Variants in UIMC1 observed in about 807,000 individuals in gnomAD.
UIMC1 encodes the protein BRCA1-A complex subunit RAP80.
UIMC1 carries 42 observed loss-of-function variants against 84.9 expected under a neutral mutation model. That is an observed-to-expected ratio of 0.49 (90% CI 0.39 to 0.64). The LOEUF is 0.64. Ranked by LOEUF, UIMC1 falls within the 30% of genes least tolerant of loss-of-function variation. UIMC1 has a pLI of 0.00. For synonymous variants in UIMC1, 281 were observed against 293.0 expected (o/e 0.96, Z 0.42); for missense variants, 825 against 847.6 (o/e 0.97, Z 0.33).
In UIMC1 at chr5:176,943,472, TCTTC is replaced by T; in HGVS notation, c.1456_1459del (p.Glu486MetfsTer6). 6.2e-7 allele frequency: 1 copy of T among 1,614,050 alleles called. No homozygotes were observed. The highest frequency in any genetic ancestry group is 8.5e-7 in the Non-Finnish European group (1 of 1,179,946). On this transcript the variant is annotated frameshift_variant, in exon 10 of 15. Coordinates refer to ENST00000511320, the MANE Select transcript of UIMC1 (RefSeq NM_001199298.2). LOFTEE classifies it high-confidence loss of function. Reference sequence around the variant, plus strand: ...AGAAATAGCTACTTCCTTCTCAGCATCTTCCTTGTTACCAACCTGAAGAACATGA... The same window carrying T: ...AGAAATAGCTACTTCCTTCTCAGCATCTTGTTACCAACCTGAAGAACATGA...
intron 10 of UIMC1, among the ~76,000 whole-genome samples, chr5:176,925,675 A>T (rs896544384): frequency 3.9e-5 from 6 of 152,214 alleles, no homozygotes. Flanking sequence ...ATTACATAAA[A>T]GTATACTGGT....
At chr5:176,990,864 G>C (rs1298908311) in intron 1 of UIMC1, among the ~76,000 whole-genome samples, 1 of 151,834 alleles carries the variant, frequency 6.6e-6, no homozygotes, top group Admixed American at 6.6e-5. Context: ...AGAGATGGGG[G>C]TCTTGCTGTG....
chr5:176,967,878 G>C (rs1370575679), intron 6 of UIMC1, among the ~76,000 whole-genome samples: 4 of 150,284 alleles, frequency 2.7e-5, no homozygotes, highest in African/African-American at 9.8e-5. Flanking sequence ...ACTCTAGCCT[G>C]GGTGACAGAG....
chr5:176,915,601 G>A (rs181201466), intron 10 of UIMC1, among the ~76,000 whole-genome samples: 10 of 151,380 alleles, frequency 6.6e-5, no homozygotes, highest in South Asian at 4.2e-4. Context: ...GATTACAGGC[G>A]CCTGCCACCA....
chr5:176,908,601 T>C lies in UIMC1; in HGVS notation c.1770A>G (p.Gln590=). The C allele has an allele frequency of 1.2e-6, 2 of 1,614,160 alleles. No homozygotes were observed. The highest frequency in any genetic ancestry group is 1.7e-6 in the Non-Finnish European group (2 of 1,180,000). The change falls in exon 12 of 15, where the codon CAA becomes CAG. Residue 590 remains glutamine (Q), a synonymous_variant. Transcript: ENST00000511320. ...TTCCACTCCCTTCAGGTCCATCTCC[T>C]TGGTCAGCCTTTGCAAGCTGGAGAC... ...DSCLQLAKAD[Q]GDGPEGSGRA...
At chr5:176,984,071 G>A (rs1380611273) in intron 1 of UIMC1, among the ~76,000 whole-genome samples, 1 of 135,980 alleles carries the variant, frequency 7.4e-6, no homozygotes, top group African/African-American at 2.8e-5. Flanking sequence ...CCTCTGCCCG[G>A]CCGCCCCGTC....
chr5:176,983,733 C>G (rs1264446487), intron 1 of UIMC1, among the ~76,000 whole-genome samples: 1 of 152,018 alleles, frequency 6.6e-6, no homozygotes, highest in Middle Eastern at 3.4e-3. Context: ...CCGGCCACCC[C>G]GTCTGGGAAG....
chr5:176,995,927 G>T (rs2149529427), intron 1 of UIMC1, among the ~76,000 whole-genome samples: 1 of 150,566 alleles, frequency 6.6e-6, no homozygotes, highest in East Asian at 2.0e-4. Flanking sequence ...AAATAAGCAT[G>T]TATCTACTAC....
intron 1 of UIMC1, among the ~76,000 whole-genome samples, chr5:177,015,214 G>A (rs1282190098): frequency 1.3e-5 from 2 of 152,210 alleles, no homozygotes; most frequent in Non-Finnish European, 2.9e-5. Flanking sequence ...CATTTGAGGT[G>A]GGTATCATCT....
chr5:176,942,029 G>C (rs927467706), intron 10 of UIMC1, among the ~76,000 whole-genome samples: 1 of 152,068 alleles, frequency 6.6e-6, no homozygotes, highest in Non-Finnish European at 1.5e-5. Flanking sequence ...ATTTTTAGTA[G>C]AGACAGGGTT....
At chr5:176,923,459 A>G (rs1048456021) in intron 10 of UIMC1, among the ~76,000 whole-genome samples, 2 of 152,146 alleles carry the variant, frequency 1.3e-5, no homozygotes, top group African/African-American at 4.8e-5. Context: ...CTGAGGTACA[A>G]GAATCCCTTG....
chr5:177,014,047 TTTTTC>T (rs1270426618), intron 1 of UIMC1, among the ~76,000 whole-genome samples: 2 of 148,516 alleles, frequency 1.3e-5, no homozygotes, highest in Admixed American at 6.7e-5. Context: ...TGAGCCACTT[TTTTTC>T]TTTTCTTTTT....
At chr5:177,005,805 G>C (rs1164192520) in intron 1 of UIMC1, among the ~76,000 whole-genome samples, 1 of 152,080 alleles carries the variant, frequency 6.6e-6, no homozygotes, top group Non-Finnish European at 1.5e-5. Context: ...TTAAATGAAA[G>C]AACACTGGAG....
chr5:176,950,609 C>T (rs1765749078), intron 9 of UIMC1, among the ~76,000 whole-genome samples: 1 of 151,914 alleles, frequency 6.6e-6, no homozygotes, highest in East Asian at 2.0e-4. Context: ...GTGGCTCACG[C>T]CTGTAATCCC....
chr5:176,967,474 A>C (rs1479634417), intron 6 of UIMC1, among the ~76,000 whole-genome samples: 1 of 152,202 alleles, frequency 6.6e-6, no homozygotes, highest in African/African-American at 2.4e-5. Flanking sequence ...CTAGTAACAC[A>C]AATTTGAGTC....
chr5:176,953,495 T>TACACATACACACACACACACACACACAC (rs1766168897), intron 8 of UIMC1, among the ~76,000 whole-genome samples: 1 of 136,886 alleles, frequency 7.3e-6, no homozygotes. Flanking sequence ...ACTGGACACA[T>TACACATACACACACACACACACACACAC]ACACACACAC....
chr5:177,016,582 T>G (rs551561089), intron 1 of UIMC1, among the ~76,000 whole-genome samples: 2 of 151,392 alleles, frequency 1.3e-5, no homozygotes, highest in Non-Finnish European at 2.9e-5. Flanking sequence ...TCCCAGCTAC[T>G]CAGAAGGCTG....
At chr5:176,939,266 A>G (rs953843368) in intron 10 of UIMC1, among the ~76,000 whole-genome samples, 1 of 151,590 alleles carries the variant, frequency 6.6e-6, no homozygotes, top group African/African-American at 2.4e-5. Context: ...CAAAAAAAAA[A>G]AAAAAAGAAA....
intron 1 of UIMC1, among the ~76,000 whole-genome samples, chr5:177,020,035 T>C (rs1420290964): frequency 6.6e-6 from 1 of 152,212 alleles, no homozygotes; most frequent in Non-Finnish European, 1.5e-5. Context: ...TGCTCAATAT[T>C]TGTAGTATAA....
Sources: allele counts gnomAD v4.1 joint callset (sites outside exome capture counted in the v4.1 genomes callset), GRCh38; gene constraint gnomAD v4.1.1; transcripts MANE v1.5; gene names NCBI Gene and HGNC (gene_info 2026-07-23, HGNC 2026-07-21).